MTERF2: variants seen among roughly 807,000 people sequenced by gnomAD.
MTERF2 encodes the protein transcription termination factor 2, mitochondrial.
MTERF2 carries 23 observed loss-of-function variants against 29.2 expected under a neutral mutation model. The ratio of observed to expected loss-of-function variants is 0.79; its 90% CI spans 0.57 to 1.12. The LOEUF is 1.12. Ranked by LOEUF, MTERF2 falls within the 50% of genes most tolerant of loss-of-function variation. The pLI is 0.00. For missense variants in MTERF2, 440 were observed against 429.4 expected, an observed-to-expected ratio of 1.02 and a Z score of -0.22; for synonymous variants, 157 against 159.5, an observed-to-expected ratio of 0.98 and a Z score of 0.12.
In MTERF2 at chr12:106,978,499, C is replaced by T. The variant is rs1043156; in HGVS notation, c.216G>A (p.Glu72=). The T allele has an allele frequency of 0.12, 200,183 of 1,614,128 alleles. 13,626 individuals are homozygous for T. The highest frequency in any genetic ancestry group is 0.18 in the South Asian group (16,330 of 91,088). ...CAATTTCTTCAACATAGGTTTCATC[C>T]TCTAAAAGTACCCATCCTTTTAATC... The part of the protein sequence containing the change: ...IRRLKGWVLL[E]DETYVEEIAN... Residue 72 remains glutamate, a synonymous_variant, in exon 3 of 3, where the codon GAG becomes GAA. Transcript: ENST00000240050.
chr12:106,978,330 A>G lies in MTERF2; in HGVS notation c.385T>C (p.Leu129=), dbSNP rs747861822. Residue 129 remains leucine, a synonymous_variant, in exon 3 of 3, where the codon TTA becomes CTA. Coordinates refer to ENST00000240050, the MANE Select transcript of MTERF2 (RefSeq NM_001033050.3). ...WQLVCKNEEE[L]IKLIEQFPES... ...GGAAACTGCTCTATTAACTTGATTA[A>G]CTCTTCCTCATTTTTGCAGACCAAC... is the stretch of plus-strand genomic sequence containing the variant. The G allele has an allele frequency of 6.2e-7, 1 of 1,613,848 alleles. No individual in the cohort carries two copies. Among genetic ancestry groups the G allele is most frequent in the South Asian group, 1.1e-5 (1 of 91,060 alleles).
chr12:106,983,178 CA>C (rs1233088708), intron 2 of MTERF2, among the ~76,000 whole-genome samples: 2 of 152,018 alleles, frequency 1.3e-5, no homozygotes, highest in Admixed American at 1.3e-4. Context: ...ATATAAATAA[CA>C]AAAAATTTAC....
At chr12:106,984,434 T>C (rs1421611798) in intron 2 of MTERF2, among the ~76,000 whole-genome samples, 1 of 152,220 alleles carries the variant, frequency 6.6e-6, no homozygotes, top group Non-Finnish European at 1.5e-5. Flanking sequence ...TTATCTCTTT[T>C]TTTTGTAGAG....
chr12:106,977,717 C>A lies in MTERF2; in HGVS notation c.998G>T (p.Arg333Met). The change falls in exon 3 of 3, where the codon AGG becomes ATG. Residue 333 changes from arginine (R) to methionine (M), a missense_variant. Arg to Met is a moderately conservative substitution (Grantham distance 91). Coordinates refer to ENST00000240050, the MANE Select transcript of MTERF2 (RefSeq NM_001033050.3). ...LELTPQIVQYRIRKLNSSGYR... is the reference protein window; with the variant it reads ...LELTPQIVQYMIRKLNSSGYR... Reference sequence around the variant, plus strand: ...GCCTGAGGAATTCAGTTTCCTTATCCTGTACTGTACTATCTGTGGTGTTAA... The same window carrying A: ...GCCTGAGGAATTCAGTTTCCTTATCATGTACTGTACTATCTGTGGTGTTAA... The A allele has an allele frequency of 6.2e-7, 1 of 1,613,986 alleles. No homozygotes were observed. Among genetic ancestry groups the A allele is most frequent in the Non-Finnish European group, 8.5e-7 (1 of 1,179,970 alleles).
chr12:106,977,547 A>G lies in MTERF2; in HGVS notation c.*10T>C. On this transcript the variant is annotated 3_prime_UTR_variant, in exon 3 of 3. Transcript: ENST00000240050. The stretch of plus-strand genomic sequence containing the variant: ...TGCACTGCTAGAAAGAAGCAACAAC[A>G]GTCAGTATGTCATTCTTCAACATTT... 6.3e-7 allele frequency: 1 copy of G among 1,592,654 alleles called. No individual in the cohort carries two copies. The highest frequency in any genetic ancestry group is 1.3e-5 in the African/African-American group (1 of 74,216).
intron 2 of MTERF2, 146 bp from the exon 3 acceptor site, chr12:106,978,917 C>T: frequency 2.0e-6 from 1 of 500,720 alleles, no homozygotes; most frequent in East Asian, 3.3e-5. Context: ...TTTTAAAAAT[C>T]TTCCTAAATA....
chr12:106,984,626 A>G (rs1347892890), intron 2 of MTERF2, among the ~76,000 whole-genome samples: 1 of 152,256 alleles, frequency 6.6e-6, no homozygotes, highest in East Asian at 1.9e-4. Flanking sequence ...CCAGTGGGAG[A>G]TAATTAAATC....
intron 1 of MTERF2, chr12:106,986,502 A>G (rs1247790383): frequency 6.6e-6 from 1 of 152,064 alleles, no homozygotes; most frequent in Non-Finnish European, 1.5e-5. Flanking sequence ...ATTTGGACTC[A>G]AACCCCACAG....
intron 2 of MTERF2, among the ~76,000 whole-genome samples, 164 bp downstream of exon 2, chr12:106,984,951 T>C (rs1782946134): frequency 6.6e-6 from 1 of 152,206 alleles, no homozygotes; most frequent in Admixed American, 6.5e-5. Context: ...TCTGCAGCTT[T>C]TAGCAGAGTT....
chr12:106,982,848 A>G (rs189627969), intron 2 of MTERF2, among the ~76,000 whole-genome samples: 5 of 152,346 alleles, frequency 3.3e-5, no homozygotes, highest in Non-Finnish European at 4.4e-5. Context: ...ACATTCTCAC[A>G]GGCAGTATGA....
rs774432116 is a variant in MTERF2, at chr12:106,978,354, A to G, written c.361T>C (p.Leu121=). The G allele has an allele frequency of 1.9e-6, 3 of 1,614,132 alleles. No homozygotes were observed. The highest frequency in any genetic ancestry group is 2.5e-6 in the Non-Finnish European group (3 of 1,180,024). The part of the protein sequence containing the change: ...AVNTQRKLWQ[L]VCKNEEELIK... ...AACTCTTCCTCATTTTTGCAGACCA[A>G]CTGCCAGAGTTTTCTCTGGGTGTTA... The change falls in exon 3 of 3, where the codon TTG becomes CTG. Residue 121 remains leucine, a synonymous_variant. Coordinates refer to ENST00000240050, the MANE Select transcript of MTERF2 (RefSeq NM_001033050.3).
In MTERF2 at chr12:106,977,927, A is replaced by T; in HGVS notation, c.788T>A (p.Ile263Lys). 1 of 1,614,148 alleles carries T rather than the reference A, an allele frequency of 6.2e-7. No homozygotes were observed. Among genetic ancestry groups the T allele is most frequent in the Non-Finnish European group, 8.5e-7 (1 of 1,180,002 alleles). ...GFLFQLCPRS[I>K]QNSISFSKNA... ...TTTAGAGAAGGAAATACTATTCTGT[A>T]TACTTCTTGGGCAAAGTTGAAAAAG... is the stretch of plus-strand genomic sequence containing the variant. The change falls in exon 3 of 3, where the codon ATA becomes AAA. Residue 263 changes from isoleucine (I) to lysine (K), a missense_variant. Transcript: ENST00000240050.
chr12:106,978,579 T>C lies in MTERF2; in HGVS notation c.136A>G (p.Thr46Ala). The change falls in exon 3 of 3, where the codon ACA becomes GCA. Residue 46 changes from threonine to alanine, a missense_variant. By Grantham distance (58) the Thr-to-Ala change is moderately conservative. Transcript: ENST00000240050. ...TTDKQSSKEN[T>A]RTVEKLYKCS... ...TTATAGAGCTTTTCCACTGTTCTTG[T>C]ATTTTCTTTGCTCGACTGTTTATCA... 6.2e-7 allele frequency: 1 copy of C among 1,614,256 alleles called. No individual in the cohort carries two copies. The highest frequency in any genetic ancestry group is 8.5e-7 in the Non-Finnish European group (1 of 1,180,042).
intron 2 of MTERF2, among the ~76,000 whole-genome samples, chr12:106,983,669 T>C (rs1952077633): frequency 6.6e-6 from 1 of 152,236 alleles, no homozygotes; most frequent in South Asian, 2.1e-4. Flanking sequence ...AGAATCTAAA[T>C]AGATTTTATC....
chr12:106,982,313 T>C (rs1248711597), intron 2 of MTERF2, among the ~76,000 whole-genome samples: 2 of 152,206 alleles, frequency 1.3e-5, no homozygotes, highest in Admixed American at 6.5e-5. Flanking sequence ...GCCTATAAAG[T>C]GAAAATTACA....
chr12:106,980,180 G>A (rs963264427), intron 2 of MTERF2, among the ~76,000 whole-genome samples: 1 of 152,060 alleles, frequency 6.6e-6, no homozygotes, highest in Non-Finnish European at 1.5e-5. Context: ...GTAGGTGTGG[G>A]CCCCCACCCC....
rs758758954 is a variant in MTERF2 at position 106,978,399 on chromosome 12, C to A, written c.316G>T (p.Val106Phe). Reference sequence around the variant, plus strand: ...GTGTTAACAGCGGTTGGACTACAGACAATTGCTTCCGGGCAGCGTTCCAAA... The same window carrying A: ...GTGTTAACAGCGGTTGGACTACAGAAAATTGCTTCCGGGCAGCGTTCCAAA... Reference protein sequence around the residue: ...SILERCPEAIVCSPTAVNTQR... With the variant: ...SILERCPEAIFCSPTAVNTQR... The change falls in exon 3 of 3, where the codon GTC (valine) becomes TTC (phenylalanine). Residue 106 changes from valine to phenylalanine, a missense_variant. Transcript: ENST00000240050. 4.3e-6 allele frequency: 7 copies of A among 1,614,100 alleles called. No individual in the cohort carries two copies. Among genetic ancestry groups the A allele is most frequent in the Non-Finnish European group, 5.9e-6 (7 of 1,180,040 alleles).
At chr12:106,979,261 AAT>A (rs1285685572) in intron 2 of MTERF2, among the ~76,000 whole-genome samples, 4 of 152,312 alleles carry the variant, frequency 2.6e-5, no homozygotes, top group Admixed American at 1.3e-4. Context: ...GGTTTTTTGA[AAT>A]GTTTTACATT....
chr12:106,978,470 T>C lies in MTERF2; in HGVS notation c.245A>G (p.Asn82Ser), dbSNP rs771872503. The C allele has an allele frequency of 6.2e-7, 1 of 1,614,252 alleles. No homozygotes were observed. The highest frequency in any genetic ancestry group is 2.2e-5 in the East Asian group (1 of 44,896). Residue 82 changes from asparagine (N) to serine (S), a missense_variant, in exon 3 of 3, where the codon AAT (asparagine) becomes AGT (serine). Coordinates refer to ENST00000240050, the MANE Select transcript of MTERF2 (RefSeq NM_001033050.3). ...EDETYVEEIANILQELGADET... is the reference protein window; with the variant it reads ...EDETYVEEIASILQELGADET... ...ATCGGCACCTAGTTCTTGTAAAATA[T>C]TCGCAATTTCTTCAACATAGGTTTC...
Sources: allele counts gnomAD v4.1 joint callset (sites outside exome capture counted in the v4.1 genomes callset), GRCh38; gene constraint gnomAD v4.1.1; transcripts MANE v1.5; gene names NCBI Gene and HGNC (gene_info 2026-07-23, HGNC 2026-07-21).